PAFAH2: variants seen among roughly 807,000 people sequenced by gnomAD.
PAFAH2 encodes platelet activating factor acetylhydrolase 2, also known as platelet-activating factor acetylhydrolase 2, cytoplasmic.
PAFAH2 carries 42 observed loss-of-function variants against 49.0 expected under a neutral mutation model. The ratio of observed to expected loss-of-function variants is 0.86; its 90% CI spans 0.67 to 1.11. PAFAH2 has a LOEUF of 1.11. Among genes scored for constraint, PAFAH2 ranks in the 50% least tolerant of loss-of-function variants. The pLI, the probability that PAFAH2 is intolerant of heterozygous loss-of-function variation, is 0.00. For missense variants in PAFAH2, 503 were observed against 501.8 expected (o/e 1.00, Z -0.02); for synonymous variants, 184 against 181.3 (o/e 1.01, Z -0.12).
At position 25,981,012 on chromosome 1, in the gene PAFAH2, A is replaced by T. The variant is rs555209972; in HGVS notation, c.666+1352T>A. On this transcript the variant is annotated intron_variant, in intron 7 of 10. Transcript: ENST00000374282. The stretch of plus-strand genomic sequence containing the variant: ...CAAAAAAATAAATAAATAAAAACAA[A>T]TAATAAAGGTCAAGCTATACAGGAG... Among the ~76,000 whole-genome samples the T allele has an allele frequency of 3.0e-3, 452 of 152,180 alleles. 4 individuals carry two copies. The highest frequency in any genetic ancestry group is 0.01 in the African/African-American group (424 of 41,522).
rs1373638762 is a variant in PAFAH2 at position 25,974,550 on chromosome 1, T to C, written c.859A>G (p.Thr287Ala). 1 of 1,614,140 alleles carries C rather than the reference T, an allele frequency of 6.2e-7. No individual in the cohort carries two copies. The highest frequency in any genetic ancestry group is 1.1e-5 in the South Asian group (1 of 91,080). The change falls in exon 9 of 11, where the codon ACA (threonine) becomes GCA (alanine). Residue 287 changes from threonine (T) to alanine (A), a missense_variant. Physicochemically the swap from Thr to Ala is moderately conservative, Grantham distance 58. Transcript: ENST00000374282. ...VFFINTEKFQTMESVNLMKKI... is the reference protein window; with the variant it reads ...VFFINTEKFQAMESVNLMKKI... ...TTCATCAAATTGACACTCTCCATTG[T>C]CTGGAATTTCTCAGTATTGATAAAG...
chr1:25,969,881 C>T (rs567831753), intron 10 of PAFAH2, among the ~76,000 whole-genome samples: 15 of 152,180 alleles, frequency 9.9e-5, no homozygotes, highest in East Asian at 3.9e-4. Context: ...GGCAGTCAGG[C>T]GCCATTAAAG....
At chr1:25,963,259 A>C (rs2049367531) in intron 10 of PAFAH2, among the ~76,000 whole-genome samples, 1 of 152,228 alleles carries the variant, frequency 6.6e-6, no homozygotes, top group African/African-American at 2.4e-5. Flanking sequence ...AAAAACAATA[A>C]GCACATCCAC....
chr1:25,966,169 G>C (rs1005783348), intron 10 of PAFAH2, among the ~76,000 whole-genome samples: 1 of 152,170 alleles, frequency 6.6e-6, no homozygotes, highest in South Asian at 2.1e-4. Context: ...ACCGTTGGTA[G>C]GAATGTAAAT....
chr1:25,995,232 G>C (rs992833161), intron 1 of PAFAH2, among the ~76,000 whole-genome samples: 2 of 152,138 alleles, frequency 1.3e-5, no homozygotes, highest in Non-Finnish European at 2.9e-5. Context: ...TATCATCTCT[G>C]ATCACTGTCC....
intron 5 of PAFAH2, 27 bp from the exon 6 acceptor site, chr1:25,984,114 A>C: frequency 5.0e-6 from 8 of 1,612,902 alleles, no homozygotes; most frequent in Non-Finnish European, 6.8e-6. Flanking sequence ...ATCAGAGAGA[A>C]ACCAGAAAAC....
chr1:25,964,554 G>A (rs2049392400), intron 10 of PAFAH2, among the ~76,000 whole-genome samples: 1 of 151,958 alleles, frequency 6.6e-6, no homozygotes, highest in South Asian at 2.1e-4. Flanking sequence ...AAAAACAAAT[G>A]AAGAAACAAA....
chr1:25,994,136 G>A (rs905849518), intron 1 of PAFAH2, among the ~76,000 whole-genome samples: 1 of 139,378 alleles, frequency 7.2e-6, no homozygotes, highest in African/African-American at 2.5e-5. Flanking sequence ...CTCATTTGGT[G>A]CCTAGCTTTT....
In PAFAH2 at chr1:25,972,557, C is replaced by T. The variant is rs760260335; in HGVS notation, c.1084+1G>A. 20 of 1,613,170 alleles carry T rather than the reference C, an allele frequency of 1.2e-5. No homozygotes were observed. The highest frequency in any genetic ancestry group is 1.7e-5 in the Admixed American group (1 of 59,936). Reference sequence around the variant, plus strand: ...CCCAAGAGCCCCAGTTTTCTCCTTACCGAGGTGCTTCTGCAGGAAGGCCAA... The same window carrying T: ...CCCAAGAGCCCCAGTTTTCTCCTTATCGAGGTGCTTCTGCAGGAAGGCCAA... On this transcript the variant is annotated splice_donor_variant, in intron 10 of 10. Transcript: ENST00000374282. LOFTEE classifies it high-confidence loss of function.
rs550216252 is a variant in PAFAH2, at chr1:25,964,027, C to A, written c.1085-1944G>T. 3.9e-5 allele frequency among the ~76,000 whole-genome samples: 6 copies of A among 152,194 alleles called. No homozygotes were observed. In the East Asian group the frequency reaches 1.2e-3, roughly 29 times the overall value. The stretch of plus-strand genomic sequence containing the variant: ...AGGGAAGAACAGCAGGGGAGGAGGC[C>A]AGGAGGGACTGGAGGGCCACATGAC... On this transcript the variant is annotated intron_variant, in intron 10 of 10. Transcript: ENST00000374282.
chr1:25,984,030 G>T lies in PAFAH2; in HGVS notation c.468C>A (p.Pro156=). ...FCKQAPEENQ[P]TNESLQEEWI... Reference sequence around the variant, plus strand: ...ATTCCTCCTGCAGCGATTCATTGGTGGGCTGGTTCTCTTCTGGGGCCTGCT... The same window carrying T: ...ATTCCTCCTGCAGCGATTCATTGGTTGGCTGGTTCTCTTCTGGGGCCTGCT... The change falls in exon 6 of 11, where the codon CCC becomes CCA. Residue 156 remains proline, a synonymous_variant. Coordinates refer to ENST00000374282, the MANE Select transcript of PAFAH2 (RefSeq NM_000437.4). The T allele has an allele frequency of 1.2e-6, 2 of 1,614,118 alleles. No homozygotes were observed. Among genetic ancestry groups the T allele is most frequent in the Non-Finnish European group, 1.7e-6 (2 of 1,180,008 alleles).
At chr1:25,967,475 A>G (rs538266458) in intron 10 of PAFAH2, among the ~76,000 whole-genome samples, 5 of 152,232 alleles carry the variant, frequency 3.3e-5, no homozygotes, top group African/African-American at 1.2e-4. Context: ...AAGAGGCCCA[A>G]ACATGGAGAT....
intron 4 of PAFAH2, among the ~76,000 whole-genome samples, chr1:25,986,537 T>A (rs1380164069): frequency 6.6e-6 from 1 of 152,180 alleles, no homozygotes; most frequent in Non-Finnish European, 1.5e-5. Context: ...CTATTAAATT[T>A]TTTTTTTCTG....
intron 9 of PAFAH2, 140 bp from the exon 10 acceptor site, chr1:25,972,852 C>T (rs1251655153): frequency 2.4e-6 from 2 of 842,928 alleles, no homozygotes; most frequent in Non-Finnish European, 3.8e-6. Context: ...GAAGTATTTT[C>T]CCCCTTGACA....
At chr1:25,987,232 T>C (rs1238838549) in intron 4 of PAFAH2, among the ~76,000 whole-genome samples, 2 of 131,810 alleles carry the variant, frequency 1.5e-5, no homozygotes, top group East Asian at 4.4e-4. Context: ...AGACTCTGTC[T>C]CAGAAAAAAT....
At chr1:25,990,226 G>T (rs997493879) in intron 2 of PAFAH2, among the ~76,000 whole-genome samples, 5 of 152,132 alleles carry the variant, frequency 3.3e-5, no homozygotes, top group Middle Eastern at 3.4e-3. Context: ...ACATAGCAAG[G>T]CCTCGTCTCT....
In PAFAH2 at chr1:25,962,061, T is replaced by C. The variant is rs758986960; in HGVS notation, c.1107A>G (p.Gln369=). 1 of 1,613,726 alleles carries C rather than the reference T, an allele frequency of 6.2e-7. No homozygotes were observed. Among genetic ancestry groups the C allele is most frequent in the Non-Finnish European group, 8.5e-7 (1 of 1,179,812 alleles). The change falls in exon 11 of 11, where the codon CAA becomes CAG. Residue 369 remains glutamine (Q), a synonymous_variant. Transcript: ENST00000374282. ...CAATGCCTTCAATAAGGTTGTTCCA[T>C]TGATTATAGTCTTCTTTCAGGTCTG... ...KHLDLKEDYN[Q]WNNLIEGIGP...
intron 10 of PAFAH2, among the ~76,000 whole-genome samples, chr1:25,968,951 G>C (rs2049467984): frequency 6.6e-6 from 1 of 152,032 alleles, no homozygotes; most frequent in Non-Finnish European, 1.5e-5. Context: ...TCCTACCTAA[G>C]AGCTCCCTGC....
chr1:25,974,081 G>A (rs1386989900), intron 9 of PAFAH2, among the ~76,000 whole-genome samples: 1 of 152,084 alleles, frequency 6.6e-6, no homozygotes, highest in East Asian at 1.9e-4. Context: ...ATTCATGAAG[G>A]TCTCTAGAAA....
Sources: allele counts gnomAD v4.1 joint callset (sites outside exome capture counted in the v4.1 genomes callset), GRCh38; gene constraint gnomAD v4.1.1; transcripts MANE v1.5; gene names NCBI Gene and HGNC (gene_info 2026-07-23, HGNC 2026-07-21).